Variants in UNC5D observed in about 807,000 individuals in gnomAD.
The protein encoded by UNC5D is netrin receptor UNC5D.
In UNC5D, 39 loss-of-function variants were observed where a neutral mutation model predicts 105.4. That is an observed-to-expected ratio of 0.37 (90% CI 0.29 to 0.48). UNC5D has a LOEUF of 0.48. Ranked by LOEUF, UNC5D falls within the 20% of genes least tolerant of loss-of-function variation. UNC5D has a pLI of 0.98. For missense variants in UNC5D, 991 were observed against 1,202.4 expected (o/e 0.82, Z 2.60); for synonymous variants, 452 against 450.4 (o/e 1.00, Z -0.04).
At chr8:35,424,334 T>C (rs554761980) in intron 1 of UNC5D, among the ~76,000 whole-genome samples, 6 of 152,224 alleles carry the variant, frequency 3.9e-5, no homozygotes, top group Non-Finnish European at 8.8e-5. Flanking sequence ...CAAAATATCA[T>C]TTCACCATGT....
intron 1 of UNC5D, among the ~76,000 whole-genome samples, chr8:35,483,057 C>T (rs1027893753): frequency 2.0e-5 from 3 of 151,932 alleles, no homozygotes; most frequent in Non-Finnish European, 2.9e-5. Flanking sequence ...CCTGCCTGGG[C>T]CTCCCAAAGT....
At chr8:35,469,686 C>T (rs567641816) in intron 1 of UNC5D, among the ~76,000 whole-genome samples, 13 of 152,258 alleles carry the variant, frequency 8.5e-5, no homozygotes, top group African/African-American at 3.1e-4. Flanking sequence ...TTCCATTTGA[C>T]TAAAGAAGGG....
At chr8:35,572,755 A>G (rs969074896) in intron 3 of UNC5D, among the ~76,000 whole-genome samples, 4 of 152,062 alleles carry the variant, frequency 2.6e-5, no homozygotes, top group African/African-American at 7.2e-5. Context: ...CTGGTGATTC[A>G]GTTAAAATAA....
intron 1 of UNC5D, among the ~76,000 whole-genome samples, chr8:35,348,742 T>G (rs1219732668): frequency 6.6e-6 from 1 of 151,840 alleles, no homozygotes; most frequent in African/African-American, 2.4e-5. Context: ...CTAATAAAGT[T>G]GAAGATGTAT....
intron 1 of UNC5D, among the ~76,000 whole-genome samples, chr8:35,457,810 GT>G (rs760023726): frequency 6.6e-6 from 1 of 152,084 alleles, no homozygotes; most frequent in Non-Finnish European, 1.5e-5. Context: ...TTTCCCTCAT[GT>G]TCCCAGTGGT....
intron 4 of UNC5D, among the ~76,000 whole-genome samples, chr8:35,618,899 C>G (rs1821186523): frequency 6.6e-6 from 1 of 152,102 alleles, no homozygotes; most frequent in Non-Finnish European, 1.5e-5. Flanking sequence ...TCACATTACT[C>G]CCTGCCCCTC....
intron 1 of UNC5D, among the ~76,000 whole-genome samples, chr8:35,435,467 C>T (rs1454717876): frequency 6.6e-6 from 1 of 152,000 alleles, no homozygotes; most frequent in African/African-American, 2.4e-5. Context: ...TTTCTAAGAA[C>T]TAGTAATTAC....
At chr8:35,677,163 A>G (rs1189390568) in intron 4 of UNC5D, among the ~76,000 whole-genome samples, 2 of 152,206 alleles carry the variant, frequency 1.3e-5, no homozygotes, top group African/African-American at 4.8e-5. Context: ...TACTCTGTAA[A>G]TTAAAGACCA....
chr8:35,371,824 C>G (rs753297899), intron 1 of UNC5D, among the ~76,000 whole-genome samples: 29 of 152,084 alleles, frequency 1.9e-4, no homozygotes, highest in Non-Finnish European at 2.2e-4. Context: ...CATAATGTCC[C>G]AATAGGTGTA....
chr8:35,746,548 C>T (rs950229312), intron 11 of UNC5D, among the ~76,000 whole-genome samples: 3 of 152,132 alleles, frequency 2.0e-5, no homozygotes, highest in African/African-American at 7.2e-5. Context: ...ATGCAAAACT[C>T]CTATTCCATG....
intron 4 of UNC5D, among the ~76,000 whole-genome samples, chr8:35,596,067 A>T (rs1423427794): frequency 6.6e-6 from 1 of 152,182 alleles, no homozygotes; most frequent in African/African-American, 2.4e-5. Flanking sequence ...TCCCAGTGTC[A>T]CTGGTGTTTG....
intron 3 of UNC5D, among the ~76,000 whole-genome samples, chr8:35,576,280 T>A (rs1182761843): frequency 6.6e-6 from 1 of 152,176 alleles, no homozygotes; most frequent in East Asian, 1.9e-4. Context: ...CAAGAAATCA[T>A]TTCAAATATG....
At chr8:35,676,230 T>C (rs1468860911) in intron 4 of UNC5D, among the ~76,000 whole-genome samples, 1 of 152,216 alleles carries the variant, frequency 6.6e-6, no homozygotes, top group East Asian at 1.9e-4. Flanking sequence ...AAAAAAAATC[T>C]ACAAATTGCA....
intron 11 of UNC5D, among the ~76,000 whole-genome samples, chr8:35,735,983 G>T (rs1289540679): frequency 6.6e-6 from 1 of 152,156 alleles, no homozygotes; most frequent in East Asian, 1.9e-4. Context: ...GAGTTTTTAT[G>T]ATATGAATCT....
Position 35,485,335 on chromosome 8 carries a change from C to T in UNC5D, c.104-63957C>T, listed in dbSNP as rs577496626. The stretch of plus-strand genomic sequence containing the variant: ...GAATACTGTCAGTATAACATCTCTG[C>T]GAGATGGGCAAGATGACTGGCATAT... On this transcript the variant is annotated intron_variant, in intron 1 of 16. Coordinates refer to ENST00000404895, the MANE Select transcript of UNC5D (RefSeq NM_080872.4). Among the ~76,000 whole-genome samples, 20 of 152,278 alleles carry T rather than the reference C, an allele frequency of 1.3e-4. No homozygotes were observed. In the South Asian group the frequency reaches 1.9e-3, roughly 14 times the overall value.
chr8:35,352,752 A>G (rs1278239399), intron 1 of UNC5D, among the ~76,000 whole-genome samples: 1 of 152,078 alleles, frequency 6.6e-6, no homozygotes, highest in African/African-American at 2.4e-5. Context: ...AACTGGGACT[A>G]CAGGTGCATG....
chr8:35,443,633 C>T (rs1332869866), intron 1 of UNC5D, among the ~76,000 whole-genome samples: 2 of 151,826 alleles, frequency 1.3e-5, no homozygotes, highest in South Asian at 2.1e-4. Flanking sequence ...TATTTCAGAT[C>T]GTTGCCTGCC....
At chr8:35,273,512 T>C (rs1315532533) in intron 1 of UNC5D, among the ~76,000 whole-genome samples, 1 of 152,202 alleles carries the variant, frequency 6.6e-6, no homozygotes, top group Non-Finnish European at 1.5e-5. Flanking sequence ...AATAAAAACT[T>C]CCCTCTGTGT....
chr8:35,581,026 C>T (rs1818443921), intron 3 of UNC5D, among the ~76,000 whole-genome samples: 1 of 152,132 alleles, frequency 6.6e-6, no homozygotes, highest in Admixed American at 6.6e-5. Context: ...ACTCCTGATA[C>T]CGGCCACACA....
Sources: allele counts gnomAD v4.1 joint callset (sites outside exome capture counted in the v4.1 genomes callset), GRCh38; gene constraint gnomAD v4.1.1; transcripts MANE v1.5; gene names NCBI Gene and HGNC (gene_info 2026-07-23, HGNC 2026-07-21).